The following CSMD1 variants were observed in gnomAD, a reference collection of about 807,000 sequenced individuals.
CSMD1 encodes the protein CUB and Sushi multiple domains 1.
In CSMD1, 213 loss-of-function variants were observed where a neutral mutation model predicts 417.5. That is an observed-to-expected ratio of 0.51 (90% CI 0.46 to 0.57). The LOEUF (loss-of-function observed/expected upper bound fraction) is 0.57. Among genes scored for constraint, CSMD1 ranks in the 20% least tolerant of loss-of-function variants. CSMD1 has a pLI of 0.00. For synonymous variants in CSMD1, 2,862 were observed against 1,736.8 expected (o/e 1.65, Z -16.11); for missense variants, 6,923 against 4,529.7 (o/e 1.53, Z -15.17).
chr8:4,536,820 A>C (rs925482186), intron 2 of CSMD1, among the ~76,000 whole-genome samples: 14 of 152,216 alleles, frequency 9.2e-5, no homozygotes, highest in African/African-American at 3.4e-4. Flanking sequence ...ACATGCGGCC[A>C]AATTTCCTTT....
intron 3 of CSMD1, among the ~76,000 whole-genome samples, chr8:4,091,620 A>G (rs114179601): frequency 0.017 from 2,526 of 152,272 alleles, 81 homozygotes; most frequent in African/African-American, 0.058. Context: ...AGTAGCAAGA[A>G]AACAATTCCA....
chr8:3,820,975 G>T (rs148586782), intron 5 of CSMD1, among the ~76,000 whole-genome samples: 139 of 152,096 alleles, frequency 9.1e-4, no homozygotes, highest in African/African-American at 1.4e-3. Flanking sequence ...GGAGTGCAAT[G>T]GTGCAAACTC....
chr8:3,974,137 T>C (rs929695968), intron 5 of CSMD1, among the ~76,000 whole-genome samples: 6 of 152,174 alleles, frequency 3.9e-5, no homozygotes, highest in Non-Finnish European at 7.4e-5. Flanking sequence ...TAGTTTTGTG[T>C]GTGTGTGTCT....
intron 5 of CSMD1, among the ~76,000 whole-genome samples, chr8:3,955,970 T>G (rs66497649): frequency 0.13 from 19,863 of 152,120 alleles, 1,441 homozygotes; most frequent in Middle Eastern, 0.18. Flanking sequence ...ATTGTTTGTA[T>G]TTTTAGTAGA....
chr8:4,703,243 C>G (rs886836438), intron 1 of CSMD1, among the ~76,000 whole-genome samples: 1 of 152,176 alleles, frequency 6.6e-6, no homozygotes, highest in Non-Finnish European at 1.5e-5. Flanking sequence ...GGTTCTCAAC[C>G]ATGGCAATGA....
At chr8:4,544,356 T>A (rs17416067) in intron 2 of CSMD1, among the ~76,000 whole-genome samples, 37,893 of 151,986 alleles carry the variant, frequency 0.25, 5,487 homozygotes, top group South Asian at 0.38. Context: ...CCAGTTGTTA[T>A]TGAATCAAAG....
chr8:4,775,514 A>C (rs1796809003), intron 1 of CSMD1, among the ~76,000 whole-genome samples: 1 of 152,252 alleles, frequency 6.6e-6, no homozygotes, highest in African/African-American at 2.4e-5. Flanking sequence ...CCTTGTAAGA[A>C]TTCAGGGGTT....
At chr8:3,475,286 C>G (rs7004893) in intron 11 of CSMD1, among the ~76,000 whole-genome samples, 89,598 of 152,020 alleles carry the variant, frequency 0.59, 27,090 homozygotes, top group Middle Eastern at 0.72. Flanking sequence ...TCTGAGCTCT[C>G]TGGGTGCAAT....
Position 4,797,398 on chromosome 8 carries a change from C to A in CSMD1, c.86-159840G>T, listed in dbSNP as rs375747217. On this transcript the variant is annotated intron_variant, in intron 1 of 69. Transcript: ENST00000635120. ...GTTCCGCCTGAATCTAGGGATCAAG[C>A]TGCCACTTCAAAAGCTGAAAACAGC... Among the ~76,000 whole-genome samples the A allele has an allele frequency of 6.6e-5, 10 of 152,252 alleles. No homozygotes were observed. In the South Asian group the frequency reaches 1.0e-3, roughly 16 times the overall value.
intron 3 of CSMD1, among the ~76,000 whole-genome samples, chr8:4,254,816 C>A (rs1470387072): frequency 1.3e-5 from 2 of 152,126 alleles, no homozygotes; most frequent in Non-Finnish European, 2.9e-5. Context: ...CACCCCAGAG[C>A]CTAGGTGTGC....
chr8:3,658,109 T>C (rs1585030302), intron 7 of CSMD1, among the ~76,000 whole-genome samples: 1 of 152,118 alleles, frequency 6.6e-6, no homozygotes, highest in African/African-American at 2.4e-5. Context: ...AACATTATTA[T>C]CATCAAATAA....
intron 68 of CSMD1, 36 bp downstream of exon 68, chr8:2,949,263 A>G: frequency 2.5e-6 from 3 of 1,189,840 alleles, no homozygotes; most frequent in Non-Finnish European, 3.7e-6. Context: ...AGCCAAACTG[A>G]TATTTGCTTT....
intron 1 of CSMD1, among the ~76,000 whole-genome samples, chr8:4,691,553 C>A (rs1025531699): frequency 1.3e-5 from 2 of 152,154 alleles, no homozygotes; most frequent in African/African-American, 4.8e-5. Flanking sequence ...GAGCAAATAC[C>A]ATTTGTTATG....
intron 2 of CSMD1, among the ~76,000 whole-genome samples, chr8:4,633,399 A>G (rs1382719015): frequency 6.6e-6 from 1 of 151,192 alleles, no homozygotes; most frequent in Non-Finnish European, 1.5e-5. Context: ...GGCGCCCACC[A>G]CCACGCCCAG....
intron 5 of CSMD1, among the ~76,000 whole-genome samples, chr8:3,804,623 C>T (rs1241331961): frequency 6.6e-6 from 1 of 151,962 alleles, no homozygotes. Context: ...TAAAAAATCA[C>T]TTTACGATAA....
intron 7 of CSMD1, among the ~76,000 whole-genome samples, chr8:3,649,498 A>G (rs1337375571): frequency 6.6e-6 from 1 of 152,190 alleles, no homozygotes; most frequent in Admixed American, 6.5e-5. Flanking sequence ...GGAAATTTAC[A>G]ATCATGGTGG....
intron 26 of CSMD1, among the ~76,000 whole-genome samples, chr8:3,277,904 T>A (rs538207361): frequency 5.3e-5 from 8 of 152,332 alleles, no homozygotes; most frequent in African/African-American, 1.9e-4. Flanking sequence ...AAAGTGACAA[T>A]TTTATACAGT....
chr8:4,145,341 A>C (rs1298500863), intron 3 of CSMD1, among the ~76,000 whole-genome samples: 1 of 151,080 alleles, frequency 6.6e-6, no homozygotes, highest in Non-Finnish European at 1.5e-5. Flanking sequence ...AAAATGATCC[A>C]ATATGTCAGA....
chr8:3,392,475 C>A (rs1811409921), intron 17 of CSMD1, among the ~76,000 whole-genome samples: 1 of 151,942 alleles, frequency 6.6e-6, no homozygotes, highest in African/African-American at 2.4e-5. Flanking sequence ...CCACGCTTTG[C>A]CACTTTTTCT....
Sources: gnomAD v4.1 joint callset for allele counts (sites outside exome capture counted in the v4.1 genomes callset) on GRCh38, gnomAD v4.1.1 for gene constraint, MANE v1.5 for transcripts, NCBI Gene and HGNC (gene_info 2026-07-23, HGNC 2026-07-21) for gene names.